ZNF804A: variants seen among roughly 807,000 people sequenced by gnomAD.
The protein encoded by ZNF804A is zinc finger protein 804A.
A neutral mutation model predicts 16.5 loss-of-function variants in ZNF804A; 2 were observed. That is an observed-to-expected ratio of 0.12 (90% CI 0.05 to 0.38). The LOEUF (loss-of-function observed/expected upper bound fraction) is 0.38, where lower values mean the gene tolerates loss of function less well. ZNF804A is among the 10% of genes least tolerant of loss of function. The probability of loss-of-function intolerance (pLI) is 0.99; values close to 1 mark genes in which losing one functional copy is unlikely to be tolerated. For synonymous variants in ZNF804A, 534 were observed against 489.6 expected, an observed-to-expected ratio of 1.09 and a Z score of -1.20; for missense variants, 1,473 against 1,390.7, an observed-to-expected ratio of 1.06 and a Z score of -0.94.
At chr2:184,634,311 C>T (rs1288146430) in intron 1 of ZNF804A, among the ~76,000 whole-genome samples, 1 of 152,166 alleles carries the variant, frequency 6.6e-6, no homozygotes, top group African/African-American at 2.4e-5. Flanking sequence ...AAAACAAATA[C>T]TTAACCTGTG....
At chr2:184,835,028 A>G (rs1023629283) in intron 1 of ZNF804A, among the ~76,000 whole-genome samples, 1 of 152,210 alleles carries the variant, frequency 6.6e-6, no homozygotes, top group Non-Finnish European at 1.5e-5. Context: ...TGGCAGGCAC[A>G]GAACTAGGTG....
intron 1 of ZNF804A, among the ~76,000 whole-genome samples, chr2:184,611,940 C>CAATT (rs1253485547): frequency 6.6e-6 from 1 of 152,070 alleles, no homozygotes; most frequent in East Asian, 1.9e-4. Flanking sequence ...AGTTGATGAC[C>CAATT]AATTATATCT....
rs1434349692 is a variant in ZNF804A at position 184,938,290 on chromosome 2, A to T, written c.2894A>T (p.Gln965Leu). ...ATTGAAAGGAACTTTAGACAGTCAC[A>T]GCCTAAATCCTATCTTTGCCATTAT... ...PNIERNFRQS[Q>L]PKSYLCHYEL... is the part of the protein sequence containing the mutation. The change falls in exon 4 of 4, where the codon CAG becomes CTG. Residue 965 changes from glutamine to leucine, a missense_variant. Coordinates refer to ENST00000302277, the MANE Select transcript of ZNF804A (RefSeq NM_194250.2). The T allele has an allele frequency of 6.2e-7, 1 of 1,614,154 alleles. No individual in the cohort carries two copies. The highest frequency in any genetic ancestry group is 1.7e-5 in the Admixed American group (1 of 60,002).
chr2:184,859,352 A>G (rs1029980457), intron 1 of ZNF804A, among the ~76,000 whole-genome samples: 24 of 149,746 alleles, frequency 1.6e-4, no homozygotes, highest in African/African-American at 5.7e-4. Flanking sequence ...GAGTTCACAG[A>G]TTTTCTTTGT....
At chr2:184,715,488 T>G (rs1314327846) in intron 1 of ZNF804A, among the ~76,000 whole-genome samples, 3 of 152,074 alleles carry the variant, frequency 2.0e-5, no homozygotes, top group African/African-American at 7.2e-5. Flanking sequence ...TGGGCTCAAG[T>G]GATCCTCTCA....
chr2:184,706,301 G>A (rs1293636802), intron 1 of ZNF804A, among the ~76,000 whole-genome samples: 4 of 152,186 alleles, frequency 2.6e-5, no homozygotes, highest in African/African-American at 7.2e-5. Flanking sequence ...TTAAGGTGGT[G>A]TGTACATGGT....
At chr2:184,894,317 C>A (rs1685032893) in intron 2 of ZNF804A, among the ~76,000 whole-genome samples, 1 of 152,002 alleles carries the variant, frequency 6.6e-6, no homozygotes, top group Non-Finnish European at 1.5e-5. Flanking sequence ...TACATATACA[C>A]CAATTTATTA....
chr2:184,710,775 T>C (rs975552822), intron 1 of ZNF804A, among the ~76,000 whole-genome samples: 5 of 151,856 alleles, frequency 3.3e-5, no homozygotes, highest in African/African-American at 9.7e-5. Flanking sequence ...TGTCCTTCTG[T>C]GATAAGCCAA....
chr2:184,701,835 A>G (rs1432351322), intron 1 of ZNF804A, among the ~76,000 whole-genome samples: 1 of 151,978 alleles, frequency 6.6e-6, no homozygotes, highest in Non-Finnish European at 1.5e-5. Context: ...AGGCCACTCT[A>G]TGTCACTAAA....
intron 1 of ZNF804A, among the ~76,000 whole-genome samples, chr2:184,636,745 T>C (rs747615568): frequency 2.0e-5 from 3 of 152,078 alleles, no homozygotes; most frequent in Admixed American, 6.6e-5. Flanking sequence ...TGAACCTACA[T>C]TGACAATCAC....
In ZNF804A at chr2:184,651,235, G is replaced by A. The variant is rs10191481; in HGVS notation, c.111+52165G>A. On this transcript the variant is annotated intron_variant, in intron 1 of 3. Coordinates refer to ENST00000302277, the MANE Select transcript of ZNF804A (RefSeq NM_194250.2). ...TAAATGGTGTTGGGATAACTGGCTA[G>A]CCATATACAGAAGGTGGAAACTAGA... 5.6e-3 allele frequency among the ~76,000 whole-genome samples: 858 copies of A among 152,222 alleles called. 4 individuals carry two copies. The highest frequency in any genetic ancestry group is 0.018 in the African/African-American group (767 of 41,558).
At chr2:184,850,584 CTCTT>C (rs1359383577) in intron 1 of ZNF804A, among the ~76,000 whole-genome samples, 8 of 151,106 alleles carry the variant, frequency 5.3e-5, no homozygotes, top group South Asian at 2.1e-4. Context: ...TGATGTTTTT[CTCTT>C]TCTTTCTTTT....
chr2:184,727,596 C>A (rs1014097108), intron 1 of ZNF804A, among the ~76,000 whole-genome samples: 12 of 151,344 alleles, frequency 7.9e-5, no homozygotes, highest in Non-Finnish European at 1.3e-4. Flanking sequence ...ATTTTAGTAC[C>A]ACTTTACAGA....
At chr2:184,736,516 C>G (rs1693615668) in intron 1 of ZNF804A, among the ~76,000 whole-genome samples, 1 of 151,822 alleles carries the variant, frequency 6.6e-6, no homozygotes, top group Non-Finnish European at 1.5e-5. Flanking sequence ...AACCAAATAC[C>G]ACATGGGAGT....
At position 184,873,443 on chromosome 2, in the gene ZNF804A, G is replaced by A. The variant is rs908015270; in HGVS notation, c.255+6931G>A. ...ATCGAGGCAGCAGTGAGCCATGATCGCACCACTGCATTCCAGCCTGGGTGA... is the reference window on the plus strand; with the variant it reads ...ATCGAGGCAGCAGTGAGCCATGATCACACCACTGCATTCCAGCCTGGGTGA... On this transcript the variant is annotated intron_variant, in intron 2 of 3. Transcript: ENST00000302277. 2.6e-5 allele frequency among the ~76,000 whole-genome samples: 4 copies of A among 152,114 alleles called. 1 individual carries two copies. The highest frequency in any genetic ancestry group is 5.9e-5 in the Non-Finnish European group (4 of 68,018).
intron 1 of ZNF804A, among the ~76,000 whole-genome samples, chr2:184,737,357 G>A (rs748034627): frequency 5.0e-4 from 76 of 151,926 alleles, no homozygotes; most frequent in Admixed American, 9.8e-4. Flanking sequence ...CACTGCGACC[G>A]GCTTTACTAC....
intron 1 of ZNF804A, among the ~76,000 whole-genome samples, chr2:184,702,051 G>A (rs1692927679): frequency 6.6e-6 from 1 of 151,166 alleles, no homozygotes; most frequent in African/African-American, 2.4e-5. Flanking sequence ...AGAGCTAGAA[G>A]GAAAATCACT....
At chr2:184,785,990 A>G (rs1694443165) in intron 1 of ZNF804A, among the ~76,000 whole-genome samples, 1 of 152,028 alleles carries the variant, frequency 6.6e-6, no homozygotes, top group African/African-American at 2.4e-5. Flanking sequence ...AGCTGAGGTG[A>G]GAGGTAGATC....
chr2:184,698,992 A>C (rs912828401), intron 1 of ZNF804A, among the ~76,000 whole-genome samples: 7 of 152,062 alleles, frequency 4.6e-5, no homozygotes, highest in Admixed American at 3.3e-4. Context: ...GTGCCCACTC[A>C]TGAGACTTGG....
Sources: allele counts gnomAD v4.1 joint callset (sites outside exome capture counted in the v4.1 genomes callset), GRCh38; gene constraint gnomAD v4.1.1; transcripts MANE v1.5; gene names NCBI Gene and HGNC (gene_info 2026-07-23, HGNC 2026-07-21).